The following DPH6 variants were observed in gnomAD, a reference collection of about 807,000 sequenced individuals.
DPH6 encodes diphthamine biosynthesis 6, also known as diphthine--ammonia ligase.
In DPH6, 33 loss-of-function variants were observed where a neutral mutation model predicts 38.2. The observed-to-expected ratio is 0.86, with a 90% confidence interval of 0.65 to 1.15. The LOEUF is 1.15. Ranked by LOEUF, DPH6 falls within the 50% of genes most tolerant of loss-of-function variation. DPH6 has a pLI of 0.00. For missense variants in DPH6, 325 were observed against 320.0 expected (o/e 1.02, Z -0.12); for synonymous variants, 108 against 103.0 (o/e 1.05, Z -0.30).
intron 6 of DPH6, among the ~76,000 whole-genome samples, chr15:35,388,995 C>A (rs1415242709): frequency 6.6e-6 from 1 of 152,110 alleles, no homozygotes; most frequent in Non-Finnish European, 1.5e-5. Context: ...ATAAATTTCC[C>A]TCTACACACT....
chr15:35,351,144 TA>T (rs1724767098), intron 3 of DPH6, among the ~76,000 whole-genome samples: 1 of 152,184 alleles, frequency 6.6e-6, no homozygotes, highest in Non-Finnish European at 1.5e-5. Flanking sequence ...ACTGACTTTT[TA>T]AATCCTTATA....
At chr15:35,179,032 T>A in the DPH6 span, among the ~76,000 whole-genome samples, 1 of 150,834 alleles carries the variant, frequency 6.6e-6, no homozygotes, top group Admixed American at 6.6e-5. Context: ...CATGGAGAAA[T>A]CCCATCTCTA....
intron 3 of DPH6, among the ~76,000 whole-genome samples, chr15:35,504,594 T>C (rs1052873238): frequency 2.0e-5 from 3 of 152,094 alleles, no homozygotes; most frequent in Non-Finnish European, 4.4e-5. Flanking sequence ...TTGATAGTTA[T>C]ATCCCATACC....
chr15:35,321,481 C>G (rs1242280354), intron 3 of DPH6, among the ~76,000 whole-genome samples: 1 of 152,218 alleles, frequency 6.6e-6, no homozygotes, highest in Admixed American at 6.5e-5. Context: ...ACTGTGGTTA[C>G]CTTCTGGTAA....
chr15:35,305,296 A>G (rs1595469355), intron 3 of DPH6, among the ~76,000 whole-genome samples: 1 of 152,096 alleles, frequency 6.6e-6, no homozygotes, highest in African/African-American at 2.4e-5. Context: ...TTACACTCAC[A>G]AAGTGTTCAA....
At chr15:35,332,571 T>C (rs992007614) in intron 3 of DPH6, among the ~76,000 whole-genome samples, 2 of 152,148 alleles carry the variant, frequency 1.3e-5, no homozygotes, top group Admixed American at 1.3e-4. Flanking sequence ...TTAAAATAGC[T>C]CAGGCCTTGG....
intron 3 of DPH6, among the ~76,000 whole-genome samples, chr15:35,512,383 T>C (rs375252526): frequency 2.6e-5 from 4 of 152,282 alleles, no homozygotes; most frequent in African/African-American, 9.6e-5. Flanking sequence ...GCATTACATC[T>C]GTAACTGTTT....
chr15:35,145,706 C>G, the DPH6 span, among the ~76,000 whole-genome samples: 1 of 152,130 alleles, frequency 6.6e-6, no homozygotes, highest in Non-Finnish European at 1.5e-5. Context: ...CTGGAACACA[C>G]AGAGATGAAA....
intron 3 of DPH6, among the ~76,000 whole-genome samples, chr15:35,360,039 A>G (rs2052600463): frequency 1.3e-5 from 2 of 151,586 alleles, no homozygotes; most frequent in African/African-American, 4.9e-5. Context: ...TGGTTATTGG[A>G]GCTTTATTCA....
At chr15:35,157,262 A>C in the DPH6 span, among the ~76,000 whole-genome samples, 1 of 152,182 alleles carries the variant, frequency 6.6e-6, no homozygotes, top group Non-Finnish European at 1.5e-5. Context: ...GTTTCCCAAA[A>C]ATATACTCAA....
chr15:35,290,384 A>T (rs554132863), intron 3 of DPH6, among the ~76,000 whole-genome samples: 3 of 152,338 alleles, frequency 2.0e-5, no homozygotes, highest in East Asian at 1.9e-4. Context: ...GTTGACATGA[A>T]CCAGGGCAGG....
In DPH6 at chr15:35,542,401, G is replaced by T; in HGVS notation, c.118+12C>A. 1 of 1,553,342 alleles carries T rather than the reference G, an allele frequency of 6.4e-7. No homozygotes were observed. Among genetic ancestry groups the T allele is most frequent in the Non-Finnish European group, 8.8e-7 (1 of 1,133,794 alleles). ...TCATTTAGGCAACTTCCCAATAAAG[G>T]CATGTACTTACCTTGGTTTTCAGCT... is the stretch of plus-strand genomic sequence containing the variant. On this transcript the variant is annotated intron_variant, in intron 2 of 8. Coordinates refer to ENST00000256538, the MANE Select transcript of DPH6 (RefSeq NM_080650.4).
chr15:35,246,489 T>G (rs1488500129), intron 3 of DPH6, among the ~76,000 whole-genome samples: 2 of 152,218 alleles, frequency 1.3e-5, no homozygotes, highest in African/African-American at 4.8e-5. Flanking sequence ...TCAAATAGTA[T>G]TTTTCTTCAA....
rs991050573 is a variant in DPH6 at position 35,402,489 on chromosome 15, C to T, written c.567+8346G>A. 2.0e-5 allele frequency among the ~76,000 whole-genome samples: 3 copies of T among 152,204 alleles called. No homozygotes were observed. In the South Asian group the frequency reaches 6.2e-4, roughly 32 times the overall value. On this transcript the variant is annotated intron_variant, in intron 6 of 8. Transcript: ENST00000256538. ...ACTAATTCTCTTGAAAAAATTTACA[C>T]AATTAGAATACTATTAATAAACAAG...
the DPH6 span, among the ~76,000 whole-genome samples, chr15:35,203,617 A>G: frequency 6.6e-6 from 1 of 151,676 alleles, no homozygotes; most frequent in Non-Finnish European, 1.5e-5. Context: ...AATGTCATAA[A>G]CCTGATATGC....
At position 35,239,982 on chromosome 15, in the gene DPH6, A is replaced by AC. The variant is rs765394445; in HGVS notation, n.201-19401dup. ...TTCTCTGCTTTTCTGGAGGGCAAGA[A>AC]CCCCCCACCCCTTCTCCGTGTCTCT... On this transcript the variant is annotated intron_variant and non_coding_transcript_variant, in intron 3 of 3. Coordinates refer to the DPH6 transcript ENST00000560386. Among the ~76,000 whole-genome samples the AC allele has an allele frequency of 2.3e-5, 3 of 129,858 alleles. 1 individual carries two copies. The highest frequency in any genetic ancestry group is 1.7e-4 in the Admixed American group (2 of 11,800). 85.2% of individuals were successfully genotyped at this position (129,858 alleles called of 152,430 possible).
At chr15:35,167,571 TTA>T in the DPH6 span, among the ~76,000 whole-genome samples, 131 of 23,274 alleles carry the variant, frequency 5.6e-3, 1 homozygote, top group South Asian at 0.028. Flanking sequence ...TGTCTTTTTT[TTA>T]AAAAAAAAAA....
intron 3 of DPH6, among the ~76,000 whole-genome samples, chr15:35,475,191 T>G (rs2054249432): frequency 6.6e-6 from 1 of 152,044 alleles, no homozygotes; most frequent in Admixed American, 6.6e-5. Context: ...AGTTAAACAA[T>G]ACATGGAGAT....
intron 1 of DPH6, among the ~76,000 whole-genome samples, chr15:35,544,770 AT>A (rs1440500065): frequency 6.6e-6 from 1 of 152,198 alleles, no homozygotes; most frequent in Non-Finnish European, 1.5e-5. Flanking sequence ...ATTACAGGTT[AT>A]TTAGTGTAAC....
Sources: allele counts gnomAD v4.1 joint callset (sites outside exome capture counted in the v4.1 genomes callset), GRCh38; gene constraint gnomAD v4.1.1; transcripts MANE v1.5; gene names NCBI Gene and HGNC (gene_info 2026-07-23, HGNC 2026-07-21).